ADGRB3: variants seen among roughly 807,000 people sequenced by gnomAD.
ADGRB3 encodes adhesion G protein-coupled receptor B3.
ADGRB3 carries 37 observed loss-of-function variants against 193.4 expected under a neutral mutation model. The ratio of observed to expected loss-of-function variants is 0.19; its 90% CI spans 0.15 to 0.25. The LOEUF (loss-of-function observed/expected upper bound fraction) is 0.25. ADGRB3 is among the 10% of genes least tolerant of loss of function. The pLI, the probability that ADGRB3 is intolerant of heterozygous loss-of-function variation, is 1.00. For missense variants in ADGRB3, 1,637 were observed against 1,852.9 expected (o/e 0.88, Z 2.14); for synonymous variants, 690 against 644.2 (o/e 1.07, Z -1.08).
chr6:69,114,653 T>G (rs997740549), intron 17 of ADGRB3, among the ~76,000 whole-genome samples: 3 of 152,080 alleles, frequency 2.0e-5, no homozygotes, highest in Non-Finnish European at 4.4e-5. Context: ...GTCTTATGTT[T>G]AAGTCTTTAA....
At chr6:69,230,550 G>A (rs1413900768) in intron 17 of ADGRB3, among the ~76,000 whole-genome samples, 3 of 152,086 alleles carry the variant, frequency 2.0e-5, no homozygotes, top group African/African-American at 7.2e-5. Flanking sequence ...TGAAAAGTTT[G>A]AAAATACAGA....
intron 26 of ADGRB3, among the ~76,000 whole-genome samples, chr6:69,346,395 G>A (rs2127323903): frequency 6.6e-6 from 1 of 152,180 alleles, no homozygotes; most frequent in South Asian, 2.1e-4. Context: ...CAGATATATA[G>A]ACTAATGGAA....
chr6:69,319,546 A>G (rs1361602534), intron 20 of ADGRB3, among the ~76,000 whole-genome samples: 1 of 151,410 alleles, frequency 6.6e-6, no homozygotes, highest in East Asian at 1.9e-4. Context: ...TAGGTTCATC[A>G]TTATAATTTT....
chr6:69,266,534 A>T (rs1222619947), intron 20 of ADGRB3, among the ~76,000 whole-genome samples: 5 of 152,028 alleles, frequency 3.3e-5, no homozygotes, highest in Non-Finnish European at 7.4e-5. Context: ...CATTTGTACT[A>T]TTTATTTAGG....
intron 17 of ADGRB3, among the ~76,000 whole-genome samples, chr6:69,084,777 C>T (rs1488185925): frequency 2.0e-5 from 3 of 151,828 alleles, no homozygotes; most frequent in Non-Finnish European, 2.9e-5. Context: ...TTACTGAAAA[C>T]ATCAAAATGG....
intron 13 of ADGRB3, among the ~76,000 whole-genome samples, chr6:69,024,687 T>C (rs1205328982): frequency 1.3e-5 from 2 of 152,210 alleles, no homozygotes; most frequent in Non-Finnish European, 1.5e-5. Context: ...CTAAAACATA[T>C]CAATTTAGTT....
chr6:68,932,124 T>G (rs1767354792), intron 4 of ADGRB3, among the ~76,000 whole-genome samples: 1 of 152,138 alleles, frequency 6.6e-6, no homozygotes, highest in South Asian at 2.1e-4. Flanking sequence ...GGCTGACTAC[T>G]CATCTTTGTC....
intron 15 of ADGRB3, among the ~76,000 whole-genome samples, chr6:69,054,765 G>A (rs954383267): frequency 2.0e-5 from 3 of 151,508 alleles, no homozygotes; most frequent in Non-Finnish European, 4.4e-5. Context: ...GCAACCTACA[G>A]TGAAATTCTA....
chr6:69,151,781 AT>A (rs1774686779), intron 17 of ADGRB3, among the ~76,000 whole-genome samples: 2 of 152,166 alleles, frequency 1.3e-5, no homozygotes, highest in Admixed American at 1.3e-4. Flanking sequence ...ACAAGTTGAT[AT>A]GGTTTGGCTG....
At chr6:69,162,779 T>C (rs1775033232) in intron 17 of ADGRB3, among the ~76,000 whole-genome samples, 1 of 152,148 alleles carries the variant, frequency 6.6e-6, no homozygotes, top group Non-Finnish European at 1.5e-5. Context: ...CAGACATTAC[T>C]TTAATGGAAT....
At chr6:69,260,273 A>T (rs1437335079) in intron 20 of ADGRB3, among the ~76,000 whole-genome samples, 3 of 152,098 alleles carry the variant, frequency 2.0e-5, no homozygotes. Context: ...TACATGGTAA[A>T]CCTATATACT....
chr6:68,976,251 A>G (rs765988686), intron 10 of ADGRB3, among the ~76,000 whole-genome samples: 4 of 152,210 alleles, frequency 2.6e-5, no homozygotes, highest in Non-Finnish European at 5.9e-5. Flanking sequence ...AACAACCCCT[A>G]TCAACTAATA....
At chr6:69,102,612 A>C (rs1266929869) in intron 17 of ADGRB3, among the ~76,000 whole-genome samples, 2 of 152,192 alleles carry the variant, frequency 1.3e-5, no homozygotes, top group East Asian at 3.8e-4. Flanking sequence ...GTACAGGGTG[A>C]TGTGAATGGA....
chr6:69,260,244 AG>A (rs1404635769), intron 20 of ADGRB3, among the ~76,000 whole-genome samples: 1 of 152,158 alleles, frequency 6.6e-6, no homozygotes, highest in Non-Finnish European at 1.5e-5. Flanking sequence ...TTTTGGGTAA[AG>A]TATTTTGTCT....
At chr6:69,162,661 G>T (rs2150345027) in intron 17 of ADGRB3, among the ~76,000 whole-genome samples, 1 of 152,072 alleles carries the variant, frequency 6.6e-6, no homozygotes, top group Non-Finnish European at 1.5e-5. Context: ...AAGAGAATCA[G>T]CATACAAAAT....
intron 17 of ADGRB3, among the ~76,000 whole-genome samples, chr6:69,083,984 AGTCTG>A (rs1183812165): frequency 6.6e-6 from 1 of 152,058 alleles, no homozygotes; most frequent in Non-Finnish European, 1.5e-5. Context: ...CATGTTGGCC[AGTCTG>A]GTCTCAAAGA....
chr6:69,069,764 GA>G lies in ADGRB3; in HGVS notation c.2437-6224del, dbSNP rs961317363. On this transcript the variant is annotated intron_variant, in intron 16 of 31. Coordinates refer to ENST00000370598, the MANE Select transcript of ADGRB3 (RefSeq NM_001704.3). ...AAAAAAAAAAAAGAAAGAAAGAAAA[GA>G]AAAAAATTTATGAACAAAATATGAA... Among the ~76,000 whole-genome samples the G allele has an allele frequency of 2.9e-5, 4 of 138,386 alleles. No homozygotes were observed. The East Asian group carries it at 6.4e-4, about 22-fold the overall frequency. 90.8% of individuals were successfully genotyped at this position (138,386 alleles called of 152,430 possible). A position where few individuals can be genotyped will look rare whatever the true frequency, so the allele number is the denominator to read the frequency against.
intron 3 of ADGRB3, among the ~76,000 whole-genome samples, chr6:68,679,126 A>C (rs927461390): frequency 1.3e-5 from 2 of 152,250 alleles, no homozygotes; most frequent in Admixed American, 1.3e-4. Context: ...TTTGCATAAA[A>C]TTCAATATTT....
At chr6:69,179,325 G>A (rs993559324) in intron 17 of ADGRB3, among the ~76,000 whole-genome samples, 3 of 152,038 alleles carry the variant, frequency 2.0e-5, no homozygotes, top group East Asian at 3.9e-4. Flanking sequence ...GTGAGTTTTT[G>A]TATTCTAAAA....
Sources: allele counts gnomAD v4.1 joint callset (sites outside exome capture counted in the v4.1 genomes callset), GRCh38; gene constraint gnomAD v4.1.1; transcripts MANE v1.5; gene names NCBI Gene and HGNC (gene_info 2026-07-23, HGNC 2026-07-21).